Variants in COL11A1 observed in about 807,000 individuals in gnomAD.
COL11A1 encodes collagen type XI alpha 1 chain, also known as collagen alpha-1(XI) chain.
Under a neutral mutation model 265.2 loss-of-function variants are expected in COL11A1, and 74 were observed. That is an observed-to-expected ratio of 0.28 (90% confidence interval 0.23 to 0.34). The LOEUF (loss-of-function observed/expected upper bound fraction) is 0.34, where lower values mean the gene tolerates loss of function less well. Among genes scored for constraint, COL11A1 ranks in the 10% least tolerant of loss-of-function variants. COL11A1 has a pLI of 1.00. For missense variants in COL11A1, 2,165 were observed against 2,263.6 expected (o/e 0.96, Z 0.88); for synonymous variants, 816 against 727.6 (o/e 1.12, Z -1.96).
intron 54 of COL11A1, among the ~76,000 whole-genome samples, 181 bp from the exon 55 acceptor site, chr1:102,899,175 TAGAATACTGAAAAAC>T (rs1652853679): frequency 6.6e-6 from 1 of 151,954 alleles, no homozygotes; most frequent in African/African-American, 2.4e-5. Flanking sequence ...AACTTCCTCT[TAGAATACTGAAAAAC>T]AGCACAAATT....
At chr1:102,959,176 T>C (rs1660649423) in intron 41 of COL11A1, among the ~76,000 whole-genome samples, 1 of 152,230 alleles carries the variant, frequency 6.6e-6, no homozygotes. Context: ...TCAATTTGTT[T>C]ACTCCACTTG....
At chr1:102,896,385 G>A (rs1199713768) in intron 57 of COL11A1, among the ~76,000 whole-genome samples, 1 of 152,128 alleles carries the variant, frequency 6.6e-6, no homozygotes, top group Non-Finnish European at 1.5e-5. Flanking sequence ...TCTTAGTTGA[G>A]TTGAAAGGCT....
chr1:102,894,697 TA>T (rs1652190831), intron 57 of COL11A1, among the ~76,000 whole-genome samples: 1 of 152,096 alleles, frequency 6.6e-6, no homozygotes, highest in East Asian at 1.9e-4. Context: ...GAGTCCCACT[TA>T]AAAAAACAAA....
chr1:102,942,266 G>A (rs1001464622), intron 42 of COL11A1, among the ~76,000 whole-genome samples: 43 of 152,084 alleles, frequency 2.8e-4, no homozygotes, highest in Non-Finnish European at 6.2e-4. Context: ...CAATCCTTTT[G>A]TATAAGGTTT....
intron 1 of COL11A1, among the ~76,000 whole-genome samples, chr1:103,095,077 A>G (rs1001559882): frequency 1.6e-4 from 24 of 152,104 alleles, no homozygotes; most frequent in African/African-American, 5.6e-4. Context: ...TAACATGCAT[A>G]GTGTCCATCA....
Position 102,979,038 on chromosome 1 carries a change from C to G in COL11A1, c.2655+22G>C, listed in dbSNP as rs187839956. On this transcript the variant is annotated intron_variant, in intron 33 of 66. Coordinates refer to ENST00000370096, the MANE Select transcript of COL11A1 (RefSeq NM_001854.4). ...TAAATTCAATATGAAAAATGTACAT[C>G]ATTTTAAATCAAGGCACCTACCGTT... 538 of 1,613,776 alleles carry G rather than the reference C, an allele frequency of 3.3e-4. 3 individuals carry two copies. In the African/African-American group the frequency reaches 6.1e-3, roughly 18 times the overall value.
intron 4 of COL11A1, among the ~76,000 whole-genome samples, chr1:103,063,997 A>C (rs1670875131): frequency 6.6e-6 from 1 of 152,184 alleles, no homozygotes; most frequent in African/African-American, 2.4e-5. Flanking sequence ...TTAAAACAAC[A>C]ATGAGAAACC....
chr1:102,987,470 A>C (rs1234861848), intron 30 of COL11A1, among the ~76,000 whole-genome samples, 163 bp downstream of exon 30: 2 of 151,962 alleles, frequency 1.3e-5, no homozygotes, highest in Non-Finnish European at 2.9e-5. Context: ...CTAATATTAC[A>C]CTGAAACGTA....
intron 44 of COL11A1, among the ~76,000 whole-genome samples, 173 bp from the exon 45 acceptor site, chr1:102,935,286 T>C (rs533765039): frequency 1.3e-5 from 2 of 152,362 alleles, no homozygotes; most frequent in East Asian, 1.9e-4. Context: ...TTTTACTCCT[T>C]GAGACTCAAG....
chr1:102,929,352 C>G (rs527855212), intron 46 of COL11A1, among the ~76,000 whole-genome samples: 1 of 152,066 alleles, frequency 6.6e-6, no homozygotes, highest in African/African-American at 2.4e-5. Context: ...ATAGGGAATC[C>G]TTTCCCCATT....
At chr1:103,027,707 T>C (rs1667656011) in intron 5 of COL11A1, among the ~76,000 whole-genome samples, 1 of 151,944 alleles carries the variant, frequency 6.6e-6, no homozygotes, top group Non-Finnish European at 1.5e-5. Flanking sequence ...TAATAAGCTC[T>C]AGTAGCTTAA....
intron 57 of COL11A1, among the ~76,000 whole-genome samples, chr1:102,890,998 C>A (rs1241165): frequency 0.093 from 14,138 of 151,904 alleles, 765 homozygotes; most frequent in Middle Eastern, 0.2. Flanking sequence ...TAAATAACAA[C>A]CTCTATTTGT....
At position 102,965,504 on chromosome 1, in the gene COL11A1, C is replaced by T. The variant is rs1321151186; in HGVS notation, c.2899G>A (p.Gly967Arg). ...QGKTGPPGPGGVVGPQGPTGE... is the reference protein window; with the variant it reads ...QGKTGPPGPGRVVGPQGPTGE... ...GAACATACCTGTGGTCCAACCACTC[C>T]CCCTGGCCCAGGAGGGCCGGTCTTG... The change falls in exon 38 of 67, where the codon GGA (glycine) becomes AGA (arginine). Residue 967 changes from glycine (G) to arginine (R), a missense_variant. Gly to Arg is a moderately radical substitution (Grantham distance 125). Transcript: ENST00000370096. 1 of 1,613,520 alleles carries T rather than the reference C, an allele frequency of 6.2e-7. No homozygotes were observed. The highest frequency in any genetic ancestry group is 8.5e-7 in the Non-Finnish European group (1 of 1,179,720).
chr1:103,027,444 T>C (rs1200159111), intron 5 of COL11A1, among the ~76,000 whole-genome samples: 2 of 101,438 alleles, frequency 2.0e-5, no homozygotes, highest in African/African-American at 3.5e-5. Context: ...TATATATATA[T>C]GCATGCATGC....
chr1:102,938,196 A>G (rs1975919), intron 44 of COL11A1, among the ~76,000 whole-genome samples: 110,824 of 151,914 alleles, frequency 0.73, 43,909 homozygotes, highest in East Asian at 0.99. Context: ...TAGGCAGTAA[A>G]TCCAACCCTA....
rs186245099 is a variant in COL11A1, at chr1:102,949,992, A to T, written c.3169-3036T>A. Reference sequence around the variant, plus strand: ...CAGTTCATTTGACCTTTGATACACAATTCATTAGAATCTCTGCTCTTGGCT... The same window carrying T: ...CAGTTCATTTGACCTTTGATACACATTTCATTAGAATCTCTGCTCTTGGCT... On this transcript the variant is annotated intron_variant, in intron 41 of 66. Transcript: ENST00000370096. Among the ~76,000 whole-genome samples the T allele has an allele frequency of 2.2e-3, 335 of 152,300 alleles. 1 individual carries two copies. Among genetic ancestry groups the T allele is most frequent in the Non-Finnish European group, 4.1e-3 (277 of 68,032 alleles).
intron 9 of COL11A1, among the ~76,000 whole-genome samples, chr1:103,021,439 G>A (rs1667068891): frequency 6.6e-6 from 1 of 152,090 alleles, no homozygotes; most frequent in African/African-American, 2.4e-5. Flanking sequence ...TTAGATCTCT[G>A]GTTCTTTAGT....
intron 4 of COL11A1, among the ~76,000 whole-genome samples, chr1:103,053,258 G>T (rs1356852325): frequency 6.6e-6 from 1 of 152,106 alleles, no homozygotes; most frequent in East Asian, 1.9e-4. Context: ...ATGCGTCATT[G>T]AGCTTCTTGA....
intron 4 of COL11A1, among the ~76,000 whole-genome samples, chr1:103,049,019 A>C (rs775362319): frequency 3.9e-5 from 6 of 152,026 alleles, no homozygotes; most frequent in African/African-American, 7.2e-5. Flanking sequence ...TTACTTCCAA[A>C]TATGTGGTCA....
Sources: gnomAD v4.1 joint callset for allele counts (sites outside exome capture counted in the v4.1 genomes callset) on GRCh38, gnomAD v4.1.1 for gene constraint, MANE v1.5 for transcripts, NCBI Gene and HGNC (gene_info 2026-07-23, HGNC 2026-07-21) for gene names.